NLRP8: variants seen among roughly 807,000 people sequenced by gnomAD.
NLRP8 encodes NACHT, LRR and PYD domains-containing protein 8.
Under a neutral mutation model 88.7 loss-of-function variants are expected in NLRP8, and 86 were observed. The ratio of observed to expected loss-of-function variants is 0.97; its 90% confidence interval spans 0.81 to 1.16. The LOEUF (loss-of-function observed/expected upper bound fraction) is 1.16, where lower values mean the gene tolerates loss of function less well. Ranked by LOEUF, NLRP8 falls within the 50% of genes most tolerant of loss-of-function variation. The pLI is 0.00. For missense variants in NLRP8, 1,342 were observed against 1,286.5 expected (o/e 1.04, Z -0.66); for synonymous variants, 504 against 494.6 (o/e 1.02, Z -0.25).
chr19:55,981,567 G>A (rs1490035196), intron 9 of NLRP8, among the ~76,000 whole-genome samples: 1 of 152,168 alleles, frequency 6.6e-6, no homozygotes, highest in Non-Finnish European at 1.5e-5. Context: ...TTTTTAGAGT[G>A]TGATTTATTT....
chr19:55,960,545 T>G (rs1158847684), intron 3 of NLRP8, among the ~76,000 whole-genome samples: 1 of 152,188 alleles, frequency 6.6e-6, no homozygotes, highest in Non-Finnish European at 1.5e-5. Flanking sequence ...TGATGCTGCG[T>G]AAAGACCTGA....
rs1165775867 is a variant in NLRP8, at chr19:55,988,442, G to GTATATATATATATATATATATA, written c.*530_*531insATATATATATATATATATATAT. 18 of 103,740 alleles carry GTATATATATATATATATATATA rather than the reference G, an allele frequency of 1.7e-4. No individual in the cohort carries two copies. The highest frequency in any genetic ancestry group is 6.2e-4 in the South Asian group (2 of 3,232). 6.4% of individuals were successfully genotyped at this position (103,740 alleles called of 1,614,324 possible). ...TACACATAAATATATATATGTGTGT[G>GTATATATATATATATATATATA]TGTATATATATATATATATATATAT... On this transcript the variant is annotated 3_prime_UTR_variant, in exon 10 of 10. Transcript: ENST00000291971.
At chr19:55,954,409 T>C (rs2123187166) in intron 2 of NLRP8, 92 bp from the exon 3 acceptor site, 1 of 1,282,000 alleles carries the variant, frequency 7.8e-7, no homozygotes, top group Non-Finnish European at 1.1e-6. Flanking sequence ...GGGCTTCACG[T>C]AGACATCGAG....
At chr19:55,981,228 A>ATT (rs5828662) in intron 9 of NLRP8, among the ~76,000 whole-genome samples, 70 bp downstream of exon 10, 88 of 148,754 alleles carry the variant, frequency 5.9e-4, no homozygotes, top group African/African-American at 1.7e-3. Context: ...CCCTCTGGGT[A>ATT]TTTTTTTTTT....
chr19:55,972,002 T>A (rs879585489), intron 6 of NLRP8, among the ~76,000 whole-genome samples: 2 of 152,206 alleles, frequency 1.3e-5, no homozygotes, highest in African/African-American at 4.8e-5. Flanking sequence ...TTTCCTTTTT[T>A]ATAACTTCCG....
chr19:55,972,261 C>T (rs1275329135), intron 6 of NLRP8, among the ~76,000 whole-genome samples: 2 of 151,680 alleles, frequency 1.3e-5, no homozygotes, highest in Admixed American at 6.6e-5. Context: ...ATTACAGGTG[C>T]CTGCCACCGC....
rs747792875 is a variant in NLRP8, at chr19:55,955,524, G to GC, written c.1467dup (p.Met490HisfsTer10). ...CAGACGGGAGTCACCGCCTTCCTTGGCATGAGTATTCTTCGGAGAATTGCA... is the reference window on the plus strand; with the variant it reads ...CAGACGGGAGTCACCGCCTTCCTTGGCCATGAGTATTCTTCGGAGAATTGCA... On this transcript the variant is annotated frameshift_variant, in exon 3 of 10. Transcript: ENST00000291971. LOFTEE classifies it high-confidence loss of function. 1.2e-6 allele frequency: 2 copies of GC among 1,614,172 alleles called. No homozygotes were observed. The highest frequency in any genetic ancestry group is 1.7e-6 in the Non-Finnish European group (2 of 1,180,038).
At chr19:55,971,026 G>A (rs1049905217) in intron 6 of NLRP8, among the ~76,000 whole-genome samples, 7 of 151,910 alleles carry the variant, frequency 4.6e-5, no homozygotes, top group East Asian at 1.9e-4. Flanking sequence ...CCCTGCCCCC[G>A]ACCCCACTGT....
intron 3 of NLRP8, among the ~76,000 whole-genome samples, chr19:55,959,003 C>T (rs577163240): frequency 1.6e-4 from 25 of 152,024 alleles, no homozygotes; most frequent in Non-Finnish European, 2.8e-4. Context: ...CTCAGCCTCC[C>T]GAGTAGCTGG....
chr19:55,972,240 G>A lies in NLRP8; in HGVS notation c.2535-1412G>A, dbSNP rs576364128. Among the ~76,000 whole-genome samples the A allele has an allele frequency of 9.9e-5, 15 of 150,778 alleles. 1 individual carries two copies. In the South Asian group the frequency reaches 1.5e-3, roughly 15 times the overall value. ...AGTGATTCTCCTGCCTGAGCCTTCT[G>A]AGTAGCTGGGATTACAGGTGCCTGC... is the stretch of plus-strand genomic sequence containing the variant. On this transcript the variant is annotated intron_variant, in intron 6 of 9. Coordinates refer to ENST00000291971, the MANE Select transcript of NLRP8 (RefSeq NM_176811.2).
At chr19:55,951,151 C>G (rs1600295405) in intron 1 of NLRP8, among the ~76,000 whole-genome samples, 3 of 152,132 alleles carry the variant, frequency 2.0e-5, no homozygotes, top group African/African-American at 7.2e-5. Flanking sequence ...CCATGTTCCT[C>G]AGGGCAAGAA....
chr19:55,981,199 C>G (rs767108534), intron 9 of NLRP8, among the ~76,000 whole-genome samples, 41 bp downstream of exon 10: 2 of 150,102 alleles, frequency 1.3e-5, no homozygotes, highest in Non-Finnish European at 3.0e-5. Context: ...TCTGGACCCT[C>G]TGGTGACTGA....
Position 55,948,115 on chromosome 19 carries a change from C to G in NLRP8, c.213C>G (p.Ile71Met), listed in dbSNP as rs761430783. ...AGCTCAGTACTGGCACCATGCCCATCACCTGGGACCAGGTCGAGACAGCCA... is the reference window on the plus strand; with the variant it reads ...AGCTCAGTACTGGCACCATGCCCATGACCTGGGACCAGGTCGAGACAGCCA... The change falls in exon 1 of 10, where the codon ATC becomes ATG. Residue 71 changes from isoleucine to methionine, a missense_variant. By Grantham distance (10) the Ile-to-Met change is conservative. Coordinates refer to ENST00000291971, the MANE Select transcript of NLRP8 (RefSeq NM_176811.2). 2.5e-6 allele frequency: 4 copies of G among 1,614,200 alleles called. 1 individual carries two copies. The South Asian group carries it at 4.4e-5, about 18-fold the overall frequency.
At chr19:55,970,018 T>C (rs1470066367) in intron 5 of NLRP8, among the ~76,000 whole-genome samples, 1 of 152,096 alleles carries the variant, frequency 6.6e-6, no homozygotes, top group East Asian at 1.9e-4. Context: ...ATGCACAAAG[T>C]GTGAGTTAGA....
chr19:55,983,804 C>G (rs1323073865), intron 9 of NLRP8, among the ~76,000 whole-genome samples: 23 of 94,674 alleles, frequency 2.4e-4, no homozygotes, highest in Non-Finnish European at 4.1e-4. Context: ...TCAGGAAGAC[C>G]AACCTAGTAG....
intron 9 of NLRP8, among the ~76,000 whole-genome samples, chr19:55,983,208 A>G (rs977105443): frequency 1.3e-5 from 2 of 152,172 alleles, no homozygotes; most frequent in Non-Finnish European, 2.9e-5. Context: ...TCACTCCTGT[A>G]ATCCCAGCAT....
intron 3 of NLRP8, among the ~76,000 whole-genome samples, chr19:55,959,402 C>T (rs1018658333): frequency 3.3e-5 from 5 of 151,550 alleles, no homozygotes; most frequent in African/African-American, 9.7e-5. Context: ...TTAGTAGAGA[C>T]GGGGTTTCAC....
intron 9 of NLRP8, chr19:55,987,668 C>CT: frequency 1.6e-6 from 1 of 621,044 alleles, no homozygotes. Flanking sequence ...CTGCTGCTTT[C>CT]TAATCATTCA....
At position 55,948,074 on chromosome 19, in the gene NLRP8, C is replaced by T. The variant is rs1211009709; in HGVS notation, c.172C>T (p.Gln58Ter). 6 of 1,614,162 alleles carry T rather than the reference C, an allele frequency of 3.7e-6. No homozygotes were observed. The South Asian group carries it at 6.6e-5, about 18-fold the overall frequency. ...CCATGAGGAGCTACAACGGTTCAAGCAGCTCTTACTGACTGAGCTCAGTAC... is the reference window on the plus strand; with the variant it reads ...CCATGAGGAGCTACAACGGTTCAAGTAGCTCTTACTGACTGAGCTCAGTAC... The change falls in exon 1 of 10, where the codon CAG becomes TAG. Residue 58 changes from glutamine (Q) to a stop codon, truncating the protein, a stop_gained. Transcript: ENST00000291971. LOFTEE classifies it high-confidence loss of function.
Sources: allele counts gnomAD v4.1 joint callset (sites outside exome capture counted in the v4.1 genomes callset), GRCh38; gene constraint gnomAD v4.1.1; transcripts MANE v1.5; gene names NCBI Gene and HGNC (gene_info 2026-07-23, HGNC 2026-07-21).